Variants in UBOX5 observed in about 807,000 individuals in gnomAD.
The protein encoded by UBOX5 is RING finger protein 37.
In UBOX5, 28 loss-of-function variants were observed where a neutral mutation model predicts 39.0. The ratio of observed to expected loss-of-function variants is 0.72; its 90% CI spans 0.53 to 0.98. The LOEUF (loss-of-function observed/expected upper bound fraction) is 0.98, where lower values mean the gene tolerates loss of function less well. UBOX5 is among the 50% of genes least tolerant of loss of function. The pLI is 0.00. For missense variants in UBOX5, 585 were observed against 674.4 expected (o/e 0.87, Z 1.47); for synonymous variants, 283 against 275.5 (o/e 1.03, Z -0.27).
intron 4 of UBOX5, among the ~76,000 whole-genome samples, chr20:3,114,602 C>CAA (rs1183589142): frequency 6.6e-6 from 1 of 152,098 alleles, no homozygotes; most frequent in Non-Finnish European, 1.5e-5. Context: ...CCTCTCTTCA[C>CAA]ATTTACATAA....
intron 4 of UBOX5, among the ~76,000 whole-genome samples, chr20:3,111,491 G>A (rs1027088510): frequency 3.3e-5 from 5 of 151,948 alleles, no homozygotes; most frequent in African/African-American, 7.3e-5. Context: ...CCCAACTTTC[G>A]GGACAGTCAA....
At chr20:3,146,559 T>A (rs2066564980) in intron 1 of UBOX5, 5 of 521,936 alleles carry the variant, frequency 9.6e-6, no homozygotes, top group African/African-American at 1.9e-5. Flanking sequence ...TATTATTTAC[T>A]AAGAGTAACA....
At chr20:3,148,062 T>A (rs763962639) in intron 1 of UBOX5, 1 of 1,614,212 alleles carries the variant, frequency 6.2e-7, no homozygotes, top group Non-Finnish European at 8.5e-7. Flanking sequence ...ATTTTCCGCA[T>A]GACAAATTCA....
chr20:3,137,091 G>A (rs1050946400), intron 1 of UBOX5, among the ~76,000 whole-genome samples: 1 of 151,968 alleles, frequency 6.6e-6, no homozygotes, highest in African/African-American at 2.4e-5. Flanking sequence ...AGGACTACAG[G>A]CATGACCCAT....
At chr20:3,134,245 G>T (rs953940911) in intron 1 of UBOX5, among the ~76,000 whole-genome samples, 1 of 151,764 alleles carries the variant, frequency 6.6e-6, no homozygotes, top group African/African-American at 2.4e-5. Flanking sequence ...GTTTACATTT[G>T]GTGTATTCAT....
chr20:3,144,433 G>A (rs2066542900), intron 1 of UBOX5, among the ~76,000 whole-genome samples: 1 of 152,138 alleles, frequency 6.6e-6, no homozygotes, highest in Non-Finnish European at 1.5e-5. Flanking sequence ...ATATCCACAT[G>A]CAAAAGAATG....
chr20:3,147,674 T>C, intron 1 of UBOX5: 3 of 1,614,246 alleles, frequency 1.9e-6, no homozygotes, highest in South Asian at 1.1e-5. Flanking sequence ...TGGGTACTGG[T>C]TGAATTCAGG....
rs1215994532 is a variant in UBOX5 at position 3,109,215 on chromosome 20, T to C, written c.*891A>G. 1.3e-5 allele frequency: 2 copies of C among 152,270 alleles called. No individual in the cohort carries two copies. Among genetic ancestry groups the C allele is most frequent in the African/African-American group, 4.8e-5 (2 of 41,550 alleles). 9.4% of individuals were successfully genotyped at this position (152,270 alleles called of 1,614,324 possible). A position where few individuals can be genotyped will look rare whatever the true frequency, so the allele number is the denominator to read the frequency against. ...CCAAGTTGTAGGGATATGGATATATTTTCCCTTTGGCACTCCATAAAGCTA... is the reference window on the plus strand; with the variant it reads ...CCAAGTTGTAGGGATATGGATATATCTTCCCTTTGGCACTCCATAAAGCTA... On this transcript the variant is annotated 3_prime_UTR_variant, in exon 5 of 5. Transcript: ENST00000217173.
chr20:3,122,708 G>A lies in UBOX5; in HGVS notation c.55-124C>T, dbSNP rs930783072. On this transcript the variant is annotated intron_variant, in intron 2 of 4. Transcript: ENST00000217173. ...TCCTCTATTAAACTGAATTGTCCCA[G>A]ATCAGGGCACCCAAGATCAGATCAA... 8 of 1,325,720 alleles carry A rather than the reference G, an allele frequency of 6.0e-6. No individual in the cohort carries two copies. In the Admixed American group the frequency reaches 1.7e-4, roughly 29 times the overall value. The allele number at this position is 1,325,720 out of a possible 1,614,324, so 82.1% of individuals were successfully genotyped here. A position where few individuals can be genotyped will look rare whatever the true frequency, so the allele number is the denominator to read the frequency against.
intron 1 of UBOX5, among the ~76,000 whole-genome samples, chr20:3,152,255 T>C (rs997160283): frequency 5.5e-5 from 8 of 144,446 alleles, no homozygotes; most frequent in African/African-American, 1.3e-4. Context: ...CTGAGGCGGG[T>C]GGATCTATGA....
At chr20:3,143,097 CTTTTTTTTTTTTTT>C (rs35450698) in intron 1 of UBOX5, among the ~76,000 whole-genome samples, 3 of 72,474 alleles carry the variant, frequency 4.1e-5, no homozygotes, top group African/African-American at 1.6e-4. Context: ...AATCATCTGT[CTTTTTTTTTTTTTT>C]TTTTTTTTTT....
At chr20:3,134,971 T>C (rs1035226229) in intron 1 of UBOX5, among the ~76,000 whole-genome samples, 1 of 152,160 alleles carries the variant, frequency 6.6e-6, no homozygotes, top group African/African-American at 2.4e-5. Flanking sequence ...TTTGTGGTTT[T>C]TGGAATCAAG....
At chr20:3,110,574 G>A (rs2066245980) in intron 4 of UBOX5, 1 of 506,794 alleles carries the variant, frequency 2.0e-6, no homozygotes, top group East Asian at 3.5e-5. Flanking sequence ...GAGGGCAGCA[G>A]GCAGGACTGG....
intron 1 of UBOX5, among the ~76,000 whole-genome samples, chr20:3,139,611 T>TA (rs1341482091): frequency 2.6e-5 from 4 of 151,682 alleles, no homozygotes; most frequent in Non-Finnish European, 5.9e-5. Context: ...AGCCTGGTCT[T>TA]AAACTCCTGA....
intron 4 of UBOX5, among the ~76,000 whole-genome samples, chr20:3,110,992 G>T (rs568661264): frequency 7.0e-4 from 106 of 152,292 alleles, no homozygotes; most frequent in African/African-American, 2.5e-3. Context: ...GCAGCCTGCA[G>T]CCCCCTCACT....
Position 3,121,404 on chromosome 20 carries a change from G to T in UBOX5, c.1235C>A (p.Thr412Lys). 1 of 1,613,070 alleles carries T rather than the reference G, an allele frequency of 6.2e-7. No homozygotes were observed. Among genetic ancestry groups the T allele is most frequent in the Non-Finnish European group, 8.5e-7 (1 of 1,179,366 alleles). The change falls in exon 3 of 5, where the codon ACA becomes AAA. Residue 412 changes from threonine to lysine, a missense_variant. Coordinates refer to ENST00000217173, the MANE Select transcript of UBOX5 (RefSeq NM_014948.4). ...ATTACCTGTCGAGCAGTCCATATGT[G>T]TCAGGCTGGGCTCATTGGTGGCTTT... is the stretch of plus-strand genomic sequence containing the variant. The part of the protein sequence containing the change: ...KMKATNEPSL[T>K]HMDCSTGPLS...
intron 1 of UBOX5, chr20:3,148,488 C>T: frequency 6.2e-7 from 1 of 1,614,118 alleles, no homozygotes; most frequent in Non-Finnish European, 8.5e-7. Context: ...ATCTTCTTCA[C>T]ACTCAGCTGG....
Position 3,152,233 on chromosome 20 carries a change from C to A in UBOX5, c.-42+7533G>T, listed in dbSNP as rs140220227. Among the ~76,000 whole-genome samples the A allele has an allele frequency of 1.1e-4, 16 of 151,768 alleles. No homozygotes were observed. The East Asian group carries it at 1.8e-3, about 17-fold the overall frequency. ...CAGTGACTCATGTCTGTAATCCCAG[C>A]ACTTTGGGAGGCTGAGGCGGGTGGA... On this transcript the variant is annotated intron_variant, in intron 1 of 4. Coordinates refer to ENST00000217173, the MANE Select transcript of UBOX5 (RefSeq NM_014948.4).
In UBOX5 at chr20:3,122,249, C is replaced by T. The variant is rs749876318; in HGVS notation, c.390G>A (p.Val130=). 2.5e-6 allele frequency: 4 copies of T among 1,614,238 alleles called. No individual in the cohort carries two copies. In the Admixed American group the frequency reaches 6.7e-5, roughly 27 times the overall value. The change falls in exon 3 of 5, where the codon GTG becomes GTA. Residue 130 remains valine (V), a synonymous_variant. Transcript: ENST00000217173. ...KVLLKNQSQV[V]FSHRGFKARP... ...TGGCCTTGAAGCCCCTGTGGCTAAACACCACTTGGCTCTGGTTTTTCAGTA... is the reference window on the plus strand; with the variant it reads ...TGGCCTTGAAGCCCCTGTGGCTAAATACCACTTGGCTCTGGTTTTTCAGTA...
Sources: allele counts gnomAD v4.1 joint callset (sites outside exome capture counted in the v4.1 genomes callset), GRCh38; gene constraint gnomAD v4.1.1; transcripts MANE v1.5; gene names NCBI Gene and HGNC (gene_info 2026-07-23, HGNC 2026-07-21).